The following SLC4A10 variants were observed in gnomAD, a reference collection of about 807,000 sequenced individuals.
The protein encoded by SLC4A10 is solute carrier family 4 member 10.
SLC4A10 carries 42 observed loss-of-function variants against 137.7 expected under a neutral mutation model. The observed-to-expected ratio is 0.30, with a 90% CI of 0.24 to 0.39. SLC4A10 has a LOEUF of 0.39. SLC4A10 is among the 10% of genes least tolerant of loss of function. SLC4A10 has a pLI of 1.00. For missense variants in SLC4A10, 925 were observed against 1,355.0 expected (o/e 0.68, Z 4.98); for synonymous variants, 474 against 464.1 (o/e 1.02, Z -0.27).
intron 15 of SLC4A10, among the ~76,000 whole-genome samples, chr2:161,935,095 T>G (rs1391007560): frequency 6.6e-6 from 1 of 152,228 alleles, no homozygotes; most frequent in Non-Finnish European, 1.5e-5. Flanking sequence ...ATTTCATTCT[T>G]CCACATGTGG....
At chr2:161,785,589 A>G (rs2053530229) in intron 2 of SLC4A10, among the ~76,000 whole-genome samples, 1 of 151,852 alleles carries the variant, frequency 6.6e-6, no homozygotes, top group Admixed American at 6.6e-5. Context: ...AATAAATGTG[A>G]TGTGCCACAT....
At position 161,624,496 on chromosome 2, in the gene SLC4A10, T is replaced by C; in HGVS notation, c.-23T>C. The C allele has an allele frequency of 6.4e-7, 1 of 1,552,564 alleles. No individual in the cohort carries two copies. The highest frequency in any genetic ancestry group is 8.7e-7 in the Non-Finnish European group (1 of 1,147,484). The stretch of plus-strand genomic sequence containing the variant: ...CTGAAGACACTGCAGAGCAAGGTGC[T>C]TATTCCAGAGGCGTTACAAAACATG... On this transcript the variant is annotated 5_prime_UTR_variant, in exon 1 of 27. Transcript: ENST00000446997.
chr2:161,976,741 TG>T lies in SLC4A10; in HGVS notation c.3228-15del. ...CTTATGTAATGTTTATTATTTCATT[TG>T]GGGAAACTCCTGTCTAGAGATGATC... is the stretch of plus-strand genomic sequence containing the variant. On this transcript the variant is annotated intron_variant, in intron 24 of 26. Transcript: ENST00000446997. 1 of 1,326,478 alleles carries T rather than the reference TG, an allele frequency of 7.5e-7. No homozygotes were observed. The highest frequency in any genetic ancestry group is 1.6e-5 in the South Asian group (1 of 62,072). The allele number at this position is 1,326,478 out of a possible 1,614,324, so 82.2% of individuals were successfully genotyped here.
chr2:161,723,327 G>A (rs766779032), intron 1 of SLC4A10, among the ~76,000 whole-genome samples: 1 of 152,170 alleles, frequency 6.6e-6, no homozygotes, highest in Non-Finnish European at 1.5e-5. Flanking sequence ...TGGGTTGGCT[G>A]TCACTCTACC....
chr2:161,888,099 G>A (rs1034101908), intron 10 of SLC4A10, among the ~76,000 whole-genome samples: 2 of 152,168 alleles, frequency 1.3e-5, no homozygotes, highest in Admixed American at 1.3e-4. Flanking sequence ...GTTTGTCAAA[G>A]ATCAGGTGGT....
intron 1 of SLC4A10, among the ~76,000 whole-genome samples, chr2:161,762,551 A>G (rs548876289): frequency 1.3e-5 from 2 of 152,230 alleles, no homozygotes; most frequent in African/African-American, 4.8e-5. Context: ...TAATGGATGC[A>G]TATGTTGAAT....
At position 161,904,862 on chromosome 2, in the gene SLC4A10, T is replaced by A; in HGVS notation, c.1704T>A (p.Ser568Arg). 1 of 1,614,022 alleles carries A rather than the reference T, an allele frequency of 6.2e-7. No homozygotes were observed. Among genetic ancestry groups the A allele is most frequent in the Admixed American group, 1.7e-5 (1 of 60,018 alleles). ...FGGQPLTILG[S>R]TGPVLVFEKI... ...GACAGCCTCTTACCATATTAGGCAG[T>A]ACAGGACCAGTTTTGGTGTTTGAAA... The change falls in exon 14 of 27, where the codon AGT becomes AGA. Residue 568 changes from serine (S) to arginine (R), a missense_variant. This residue lies in a region of SLC4A10 where 61 missense variants were observed against 168.0 expected (regional missense o/e 0.36). Coordinates refer to ENST00000446997, the MANE Select transcript of SLC4A10 (RefSeq NM_001178015.2).
At chr2:161,917,405 G>A (rs6748280) in intron 15 of SLC4A10, among the ~76,000 whole-genome samples, 47,117 of 151,484 alleles carry the variant, frequency 0.31, 7,651 homozygotes, top group Admixed American at 0.4. Flanking sequence ...GTTAGATAGT[G>A]TAGATAGTTA....
chr2:161,874,661 C>T (rs1419160435), intron 8 of SLC4A10, among the ~76,000 whole-genome samples: 2 of 152,166 alleles, frequency 1.3e-5, no homozygotes, highest in African/African-American at 4.8e-5. Context: ...TACTTAGTGT[C>T]AGCTGTTGTT....
At chr2:161,741,390 A>T (rs1337665002) in intron 1 of SLC4A10, among the ~76,000 whole-genome samples, 1 of 151,986 alleles carries the variant, frequency 6.6e-6, no homozygotes, top group East Asian at 1.9e-4. Flanking sequence ...ATACAATATT[A>T]TTAACTTTAG....
chr2:161,967,033 T>A (rs961826108), intron 23 of SLC4A10, among the ~76,000 whole-genome samples: 3 of 152,188 alleles, frequency 2.0e-5, no homozygotes, highest in Non-Finnish European at 4.4e-5. Context: ...TCAGTCTTTT[T>A]GATAATGTCA....
chr2:161,799,453 G>C (rs538960359), intron 2 of SLC4A10, among the ~76,000 whole-genome samples: 2 of 151,874 alleles, frequency 1.3e-5, no homozygotes, highest in African/African-American at 4.8e-5. Flanking sequence ...TACAGGACCT[G>C]AGGGGATTCT....
intron 1 of SLC4A10, among the ~76,000 whole-genome samples, chr2:161,763,229 G>T (rs1410698941): frequency 2.6e-5 from 4 of 151,890 alleles, no homozygotes; most frequent in African/African-American, 4.8e-5. Context: ...TTTTTTGAAA[G>T]ATGTTTCTTA....
chr2:161,762,418 G>A (rs148475015), intron 1 of SLC4A10, among the ~76,000 whole-genome samples: 25 of 152,122 alleles, frequency 1.6e-4, no homozygotes, highest in Non-Finnish European at 2.6e-4. Flanking sequence ...GCTGATACTC[G>A]TTTATATATT....
chr2:161,847,740 G>A (rs1559380829), intron 4 of SLC4A10, among the ~76,000 whole-genome samples: 1 of 152,178 alleles, frequency 6.6e-6, no homozygotes, highest in East Asian at 1.9e-4. Flanking sequence ...ATTGCATGGT[G>A]TATATGTACT....
At chr2:161,862,680 C>G (rs1021112349) in intron 5 of SLC4A10, among the ~76,000 whole-genome samples, 194 bp from the exon 6 acceptor site, 3 of 152,212 alleles carry the variant, frequency 2.0e-5, no homozygotes, top group Admixed American at 2.0e-4. Flanking sequence ...CCAAATCTTT[C>G]TTATTCAACA....
chr2:161,849,950 A>T (rs754602029), intron 4 of SLC4A10, among the ~76,000 whole-genome samples: 1 of 152,008 alleles, frequency 6.6e-6, no homozygotes, highest in African/African-American at 2.4e-5. Context: ...TGTTTTTTGG[A>T]ATAGTTTCAG....
chr2:161,874,933 G>A (rs2061371705), intron 8 of SLC4A10, among the ~76,000 whole-genome samples: 1 of 152,142 alleles, frequency 6.6e-6, no homozygotes, highest in African/African-American at 2.4e-5. Context: ...AATAAAAGGT[G>A]GTTACACTTA....
intron 24 of SLC4A10, 50 bp from the exon 25 acceptor site, chr2:161,976,710 C>T (rs754567486): frequency 2.3e-6 from 2 of 874,710 alleles, no homozygotes; most frequent in Non-Finnish European, 3.4e-6. Context: ...TGAAAAACTG[C>T]AGTTACTTAT....
Sources: gnomAD v4.1 joint callset for allele counts (sites outside exome capture counted in the v4.1 genomes callset) on GRCh38, gnomAD v4.1.1 for gene constraint, gnomAD v4.1.1 regional missense constraint, MANE v1.5 for transcripts, NCBI Gene and HGNC (gene_info 2026-07-23, HGNC 2026-07-21) for gene names.